The following RBFOX1 variants were observed in gnomAD, a reference collection of about 807,000 sequenced individuals.
The protein encoded by RBFOX1 is RNA binding fox-1 homolog 1.
In RBFOX1, 8 loss-of-function variants were observed where a neutral mutation model predicts 57.7. The observed-to-expected ratio is 0.14, with a 90% CI of 0.08 to 0.25. The LOEUF is 0.25. Ranked by LOEUF, RBFOX1 falls within the 10% of genes least tolerant of loss-of-function variation. RBFOX1 has a pLI of 1.00. For missense variants in RBFOX1, 611 were observed against 548.5 expected (o/e 1.11, Z -1.14); for synonymous variants, 326 against 222.4 (o/e 1.47, Z -4.15).
intron 3 of RBFOX1, among the ~76,000 whole-genome samples, chr16:6,814,471 C>G (rs1266078684): frequency 6.6e-6 from 1 of 152,164 alleles, no homozygotes; most frequent in East Asian, 1.9e-4. Flanking sequence ...GATGTGGCTT[C>G]TAGCTTCATG....
intron 3 of RBFOX1, among the ~76,000 whole-genome samples, chr16:5,704,073 T>G (rs770225172): frequency 1.3e-5 from 2 of 152,150 alleles, no homozygotes; most frequent in Non-Finnish European, 2.9e-5. Context: ...TTCCAGGTTC[T>G]TATTACCCAC....
chr16:5,923,489 A>G (rs1597807801), intron 4 of RBFOX1, among the ~76,000 whole-genome samples: 1 of 143,558 alleles, frequency 7.0e-6, no homozygotes, highest in Non-Finnish European at 1.5e-5. Context: ...CAGAGGACAG[A>G]TTGCGAATTC....
intron 4 of RBFOX1, among the ~76,000 whole-genome samples, chr16:7,220,352 A>G (rs79596254): frequency 0.014 from 2,151 of 152,310 alleles, 21 homozygotes; most frequent in Non-Finnish European, 0.024. Flanking sequence ...TTCATGCAAC[A>G]TGGCCCCAAG....
chr16:5,693,979 T>C (rs1461510261), intron 3 of RBFOX1, among the ~76,000 whole-genome samples: 1 of 152,222 alleles, frequency 6.6e-6, no homozygotes, highest in African/African-American at 2.4e-5. Flanking sequence ...AGACATCTTG[T>C]CTATCTTTTG....
At chr16:7,043,846 T>G (rs2046993025) in intron 3 of RBFOX1, among the ~76,000 whole-genome samples, 1 of 152,250 alleles carries the variant, frequency 6.6e-6, no homozygotes, top group South Asian at 2.1e-4. Context: ...ATAATCTCAC[T>G]GAGCTTTCCA....
chr16:7,449,641 A>C (rs2098835517), intron 4 of RBFOX1, among the ~76,000 whole-genome samples: 1 of 144,606 alleles, frequency 6.9e-6, no homozygotes, highest in Non-Finnish European at 1.5e-5. Context: ...GCCTGAAACC[A>C]TGGCTGTTAC....
At chr16:7,319,258 C>G (rs760070757) in intron 4 of RBFOX1, among the ~76,000 whole-genome samples, 5 of 152,064 alleles carry the variant, frequency 3.3e-5, no homozygotes, top group Admixed American at 6.5e-5. Flanking sequence ...ACGTTGAGCT[C>G]TATTCAATAT....
At position 6,519,332 on chromosome 16, in the gene RBFOX1, TC is replaced by T. The variant is rs141826826; in HGVS notation, c.-63-135269del. On this transcript the variant is annotated intron_variant, in intron 2 of 15. Coordinates refer to ENST00000550418, the MANE Select transcript of RBFOX1 (RefSeq NM_018723.4). Reference sequence around the variant, plus strand: ...TTGCATTGTCATTGCAGTTAATACTTCCTTTTGGAGAAGAAATACTGTACAT... The same window carrying T: ...TTGCATTGTCATTGCAGTTAATACTTCTTTTGGAGAAGAAATACTGTACAT... Among the ~76,000 whole-genome samples, 14 of 152,210 alleles carry T rather than the reference TC, an allele frequency of 9.2e-5. No individual in the cohort carries two copies. The East Asian group carries it at 2.7e-3, about 29-fold the overall frequency.
intron 4 of RBFOX1, among the ~76,000 whole-genome samples, chr16:7,420,357 T>C (rs1598011730): frequency 6.6e-6 from 1 of 152,314 alleles, no homozygotes; most frequent in Middle Eastern, 3.4e-3. Flanking sequence ...TAAGCTGTAA[T>C]GAATACTGGT....
At chr16:5,850,548 A>G (rs1040321349) in intron 3 of RBFOX1, among the ~76,000 whole-genome samples, 3 of 152,200 alleles carry the variant, frequency 2.0e-5, no homozygotes, top group Non-Finnish European at 4.4e-5. Flanking sequence ...AATTAATGAT[A>G]ACAGTAACGA....
At chr16:5,987,442 CT>C (rs2060305592) in intron 4 of RBFOX1, among the ~76,000 whole-genome samples, 1 of 152,180 alleles carries the variant, frequency 6.6e-6, no homozygotes, top group Non-Finnish European at 1.5e-5. Flanking sequence ...CCTGAAAGCT[CT>C]TTGCCTAGCC....
At chr16:6,323,840 T>C (rs1056064540) in intron 2 of RBFOX1, among the ~76,000 whole-genome samples, 13 of 152,114 alleles carry the variant, frequency 8.5e-5, no homozygotes, top group African/African-American at 2.7e-4. Flanking sequence ...TGGTGTGATA[T>C]CTGCTCACTG....
chr16:6,938,388 G>A (rs114299009), intron 3 of RBFOX1, among the ~76,000 whole-genome samples: 1 of 152,118 alleles, frequency 6.6e-6, no homozygotes, highest in East Asian at 1.9e-4. Flanking sequence ...AGCATTACCT[G>A]GAAAATAGTA....
intron 10 of RBFOX1, among the ~76,000 whole-genome samples, chr16:7,611,615 A>T (rs1025046951): frequency 8.0e-5 from 12 of 150,778 alleles, no homozygotes; most frequent in Non-Finnish European, 1.6e-4. Context: ...TGATTTTTGT[A>T]TGTAATGTTT....
At chr16:5,749,201 C>G (rs2053100269) in intron 3 of RBFOX1, among the ~76,000 whole-genome samples, 1 of 152,118 alleles carries the variant, frequency 6.6e-6, no homozygotes, top group Non-Finnish European at 1.5e-5. Flanking sequence ...CCCCCACCCC[C>G]TTTTGGTTTG....
At chr16:6,650,633 C>T (rs894909252) in intron 2 of RBFOX1, among the ~76,000 whole-genome samples, 11 of 152,326 alleles carry the variant, frequency 7.2e-5, no homozygotes, top group Non-Finnish European at 1.6e-4. Context: ...TTCAGTCCCA[C>T]TTGACTGATA....
At chr16:6,794,955 C>A (rs1378238339) in intron 3 of RBFOX1, among the ~76,000 whole-genome samples, 1 of 152,104 alleles carries the variant, frequency 6.6e-6, no homozygotes, top group Non-Finnish European at 1.5e-5. Context: ...AGTAATTTTC[C>A]CTAAATCACC....
intron 4 of RBFOX1, among the ~76,000 whole-genome samples, chr16:7,146,194 C>A (rs928489267): frequency 1.4e-5 from 2 of 146,296 alleles, no homozygotes; most frequent in African/African-American, 5.1e-5. Flanking sequence ...TGGTTCAAGC[C>A]CCTTCCCCAT....
chr16:7,224,576 C>G (rs996232901), intron 4 of RBFOX1, among the ~76,000 whole-genome samples: 1 of 152,092 alleles, frequency 6.6e-6, no homozygotes, highest in African/African-American at 2.4e-5. Flanking sequence ...GATTTCTAAA[C>G]TTTCAGATTT....
Sources: allele counts gnomAD v4.1 joint callset (sites outside exome capture counted in the v4.1 genomes callset), GRCh38; gene constraint gnomAD v4.1.1; transcripts MANE v1.5; gene names NCBI Gene and HGNC (gene_info 2026-07-23, HGNC 2026-07-21).